PUS7: variants seen among roughly 807,000 people sequenced by gnomAD.
PUS7 encodes pseudouridylate synthase 7 homolog.
In PUS7, 48 loss-of-function variants were observed where a neutral mutation model predicts 79.8. The observed-to-expected ratio is 0.60, with a 90% CI of 0.48 to 0.76. The LOEUF (loss-of-function observed/expected upper bound fraction) is 0.76, where lower values mean the gene tolerates loss of function less well. Among genes scored for constraint, PUS7 ranks in the 30% least tolerant of loss-of-function variants. The pLI, the probability that PUS7 is intolerant of heterozygous loss-of-function variation, is 0.00. For synonymous variants in PUS7, 286 were observed against 272.2 expected, an observed-to-expected ratio of 1.05 and a Z score of -0.50; for missense variants, 729 against 797.6, an observed-to-expected ratio of 0.91 and a Z score of 1.04.
Position 105,482,443 on chromosome 7 carries a change from TTA to T in PUS7, c.921-5_921-4del. On this transcript the variant is annotated splice_region_variant and splice_polypyrimidine_tract_variant and intron_variant, in intron 7 of 15. Transcript: ENST00000469408. ...GGGCAAGTCTTTGTGCAGTTATTCT[TTA>T]AAAAAAAAAAAAAAAGCAACAAAAC... 12 of 1,553,392 alleles carry T rather than the reference TTA, an allele frequency of 7.7e-6. No individual in the cohort carries two copies. The highest frequency in any genetic ancestry group is 4.6e-5 in the African/African-American group (3 of 65,018).
Position 105,520,211 on chromosome 7 carries a change from G to C in PUS7, c.-33+1841C>G, listed in dbSNP as rs530048888. Among the ~76,000 whole-genome samples the C allele has an allele frequency of 3.1e-3, 471 of 152,282 alleles. 5 individuals are homozygous for C. Among genetic ancestry groups the C allele is most frequent in the African/African-American group, 0.011 (452 of 41,562 alleles). On this transcript the variant is annotated intron_variant, in intron 1 of 15. Coordinates refer to ENST00000469408, the MANE Select transcript of PUS7 (RefSeq NM_019042.5). ...GCGGTGGCTCACGCCTGTAATCCCA[G>C]CACTTTGGGAGGCAGAGGCGGGCAG...
intron 9 of PUS7, among the ~76,000 whole-genome samples, chr7:105,474,095 C>T (rs1017967751): frequency 2.6e-5 from 4 of 152,062 alleles, no homozygotes; most frequent in African/African-American, 9.7e-5. Flanking sequence ...AAGACCCTTC[C>T]CTATCAAAAG....
chr7:105,481,589 C>T (rs1369916956), intron 8 of PUS7, among the ~76,000 whole-genome samples: 1 of 152,130 alleles, frequency 6.6e-6, no homozygotes, highest in African/African-American at 2.4e-5. Context: ...AATTTTTTCC[C>T]GTTTCCAAAA....
At chr7:105,519,497 G>A (rs1298630227) in intron 1 of PUS7, among the ~76,000 whole-genome samples, 3 of 152,014 alleles carry the variant, frequency 2.0e-5, no homozygotes, top group South Asian at 2.1e-4. Flanking sequence ...TGCCTGCCTC[G>A]GCCTCCCAGA....
chr7:105,482,371 A>G lies in PUS7; in HGVS notation c.990T>C (p.Tyr330=), dbSNP rs374839280. 3 of 1,611,786 alleles carry G rather than the reference A, an allele frequency of 1.9e-6. No homozygotes were observed. The highest frequency in any genetic ancestry group is 2.5e-6 in the Non-Finnish European group (3 of 1,178,482). ...LMNFKLGNFS[Y]QKNPLKLGEL... ...CTCCCAATTTCAGTGGGTTTTTTTG[A>G]TAGCTGAAATTCCCTAGCTTAAAGT... Residue 330 remains tyrosine, a synonymous_variant, in exon 8 of 16, where the codon TAT becomes TAC. Transcript: ENST00000469408.
At chr7:105,480,947 G>A (rs1562797904) in intron 9 of PUS7, 105 bp downstream of exon 9, 2 of 1,306,028 alleles carry the variant, frequency 1.5e-6, no homozygotes, top group Non-Finnish European at 2.1e-6. Context: ...TGGTTCATTT[G>A]CCCCAGACAT....
Position 105,457,863 on chromosome 7 carries a change from G to A in PUS7, c.1913C>T (p.Ala638Val). 3 of 1,614,014 alleles carry A rather than the reference G, an allele frequency of 1.9e-6. No individual in the cohort carries two copies. The highest frequency in any genetic ancestry group is 2.2e-5 in the East Asian group (1 of 44,882). The change falls in exon 16 of 16, where the codon GCC becomes GTC. Residue 638 changes from alanine (A) to valine (V), a missense_variant. By Grantham distance (64) the Ala-to-Val change is moderately conservative. Transcript: ENST00000469408. Reference sequence around the variant, plus strand: ...ATCCATTTTTAGCACTTCTCGAATGGCCATGGTGGCGTAAGTAGAAGGGGG... The same window carrying A: ...ATCCATTTTTAGCACTTCTCGAATGACCATGGTGGCGTAAGTAGAAGGGGG... ...SLPPSTYATM[A>V]IREVLKMDTS...
chr7:105,506,794 C>G (rs1026495872), intron 2 of PUS7, among the ~76,000 whole-genome samples: 3 of 151,916 alleles, frequency 2.0e-5, no homozygotes, highest in African/African-American at 7.3e-5. Context: ...AAGAAAAGAC[C>G]CTCTTAGCTT....
In PUS7 at chr7:105,458,633, C is replaced by T. The variant is rs1196259028; in HGVS notation, c.1849+535G>A. ...TGTCACCCAGGCTGGAGTGCAGTGG[C>T]GTGATCTTGGCTCACTACAAGCTCC... On this transcript the variant is annotated intron_variant, in intron 15 of 15. Coordinates refer to ENST00000469408, the MANE Select transcript of PUS7 (RefSeq NM_019042.5). Among the ~76,000 whole-genome samples, 12 of 144,372 alleles carry T rather than the reference C, an allele frequency of 8.3e-5. 1 individual carries two copies. Among genetic ancestry groups the T allele is most frequent in the South Asian group, 2.2e-4 (1 of 4,536 alleles). The allele number at this position is 144,372 out of a possible 152,430, so 94.7% of individuals were successfully genotyped here. A position where few individuals can be genotyped will look rare whatever the true frequency, so the allele number is the denominator to read the frequency against.
chr7:105,494,402 ATTTTTTTTTTTTTT>A (rs756519297), intron 6 of PUS7, among the ~76,000 whole-genome samples: 1 of 87,800 alleles, frequency 1.1e-5, no homozygotes, highest in Admixed American at 1.4e-4. Context: ...ATGATCAGTG[ATTTTTTTTTTTTTT>A]TTTTTTTTTT....
At chr7:105,508,568 A>C in intron 1 of PUS7, 24 bp from the exon 2 acceptor site, 1 of 1,565,556 alleles carries the variant, frequency 6.4e-7, no homozygotes, top group South Asian at 1.2e-5. Flanking sequence ...GTAGAAAGTA[A>C]CAATCACCTA....
intron 7 of PUS7, among the ~76,000 whole-genome samples, chr7:105,485,071 CA>C (rs1824488845): frequency 6.6e-6 from 1 of 151,806 alleles, no homozygotes; most frequent in Non-Finnish European, 1.5e-5. Flanking sequence ...CCAGGTTGGC[CA>C]GGCTGGTCTC....
At chr7:105,466,548 A>C (rs944792699) in intron 12 of PUS7, among the ~76,000 whole-genome samples, 4 of 152,108 alleles carry the variant, frequency 2.6e-5, no homozygotes, top group Non-Finnish European at 5.9e-5. Context: ...CTACTGCACC[A>C]AATCTGAAGT....
At chr7:105,508,688 T>C in intron 1 of PUS7, 144 bp from the exon 2 acceptor site, 2 of 1,050,698 alleles carry the variant, frequency 1.9e-6, no homozygotes, top group Non-Finnish European at 2.6e-6. Context: ...AAGACCAGCC[T>C]GGCCAACATG....
At chr7:105,486,351 C>T (rs1413716452) in intron 7 of PUS7, among the ~76,000 whole-genome samples, 1 of 152,188 alleles carries the variant, frequency 6.6e-6, no homozygotes, top group Non-Finnish European at 1.5e-5. Flanking sequence ...CCGCACCCAG[C>T]TGTACATATT....
chr7:105,475,484 CA>C (rs1209035842), intron 9 of PUS7, among the ~76,000 whole-genome samples: 4 of 150,590 alleles, frequency 2.7e-5, no homozygotes, highest in Non-Finnish European at 5.9e-5. Flanking sequence ...CGTGCCAGGC[CA>C]TTTTTTTTGT....
chr7:105,507,075 T>G (rs1367293662), intron 2 of PUS7, among the ~76,000 whole-genome samples: 1 of 152,148 alleles, frequency 6.6e-6, no homozygotes, highest in Non-Finnish European at 1.5e-5. Flanking sequence ...AGACAGAGTC[T>G]TGCTCTGTTG....
chr7:105,508,973 G>A (rs1335400655), intron 1 of PUS7, among the ~76,000 whole-genome samples: 4 of 149,030 alleles, frequency 2.7e-5, no homozygotes, highest in African/African-American at 7.4e-5. Flanking sequence ...AAGGTCAGGG[G>A]TTCGAGATCA....
At chr7:105,490,798 A>AC (rs775874143) in intron 7 of PUS7, among the ~76,000 whole-genome samples, 6 of 152,196 alleles carry the variant, frequency 3.9e-5, no homozygotes, top group Non-Finnish European at 7.3e-5. Context: ...TAGAATCTAG[A>AC]CCAGTGGTTC....
Sources: gnomAD v4.1 joint callset for allele counts (sites outside exome capture counted in the v4.1 genomes callset) on GRCh38, gnomAD v4.1.1 for gene constraint, MANE v1.5 for transcripts, NCBI Gene and HGNC (gene_info 2026-07-23, HGNC 2026-07-21) for gene names.